The following CDIN1 variants were observed in gnomAD, a reference collection of about 807,000 sequenced individuals.
CDIN1 encodes the protein CDAN1-interacting nuclease 1.
Under a neutral mutation model 45.3 loss-of-function variants are expected in CDIN1, and 33 were observed. The observed-to-expected ratio is 0.73, with a 90% CI of 0.55 to 0.97. The LOEUF (loss-of-function observed/expected upper bound fraction) is 0.97. Ranked by LOEUF, CDIN1 falls within the 50% of genes least tolerant of loss-of-function variation. The probability of loss-of-function intolerance (pLI) is 0.00; values close to 1 mark genes in which losing one functional copy is unlikely to be tolerated. For synonymous variants in CDIN1, 118 were observed against 124.4 expected (o/e 0.95, Z 0.34); for missense variants, 303 against 339.4 (o/e 0.89, Z 0.84).
chr15:36,620,469 G>A (rs1173957549), intron 1 of CDIN1, among the ~76,000 whole-genome samples: 2 of 152,084 alleles, frequency 1.3e-5, no homozygotes, highest in Non-Finnish European at 2.9e-5. Flanking sequence ...TGCTAAAATG[G>A]GAAACAATTT....
In CDIN1 at chr15:36,692,155, A is replaced by G. The variant is rs775459397; in HGVS notation, c.456A>G (p.Pro152=). The stretch of plus-strand genomic sequence containing the variant: ...TTGTGAACGACTGCTGTTACGGACC[A>G]CTAGTGGACTGCATCAAGCAGTATC... ...QCIVNDCCYG[P]LVDCIKHAIG... is the part of the protein sequence containing the mutation. Residue 152 remains proline, a synonymous_variant, in exon 7 of 11, where the codon CCA becomes CCG. Transcript: ENST00000566621. 6.2e-6 allele frequency: 10 copies of G among 1,613,788 alleles called. No homozygotes were observed. The East Asian group carries it at 2.0e-4, about 32-fold the overall frequency.
At chr15:36,768,633 G>A (rs541648425) in intron 10 of CDIN1, among the ~76,000 whole-genome samples, 1 of 152,168 alleles carries the variant, frequency 6.6e-6, no homozygotes, top group Non-Finnish European at 1.5e-5. Context: ...TTACAAAGGG[G>A]TTTGCTGTAA....
chr15:36,745,949 G>C (rs1231300196), intron 10 of CDIN1, among the ~76,000 whole-genome samples: 7 of 152,100 alleles, frequency 4.6e-5, no homozygotes, highest in Non-Finnish European at 7.4e-5. Flanking sequence ...CTGGGCGACA[G>C]AGTGAGACGC....
In CDIN1 at chr15:36,618,761, C is replaced by CAAAAAA. The variant is rs34933565; in HGVS notation, c.102-25503_102-25498dup. ...CCTACTGCATTAAGCACAACTCAGC[C>CAAAAAA]AAAAAAAAAAAAAAAAAAAGGATCT... On this transcript the variant is annotated intron_variant, in intron 1 of 10. Transcript: ENST00000566621. The CAAAAAA allele has an allele frequency of 9.4e-5, 58 of 616,178 alleles. 2 individuals carry two copies. Among genetic ancestry groups the CAAAAAA allele is most frequent in the Admixed American group, 1.8e-4 (7 of 38,612 alleles). 38.2% of individuals were successfully genotyped at this position (616,178 alleles called of 1,614,324 possible).
At chr15:36,651,054 C>T (rs1387807986) in intron 3 of CDIN1, among the ~76,000 whole-genome samples, 1 of 151,094 alleles carries the variant, frequency 6.6e-6, no homozygotes, top group Non-Finnish European at 1.5e-5. Context: ...CAGAGCAAGA[C>T]TTCATCTCAA....
intron 1 of CDIN1, chr15:36,641,457 C>G (rs2040102305): frequency 6.6e-6 from 1 of 152,276 alleles, no homozygotes; most frequent in Non-Finnish European, 1.5e-5. Context: ...TTTGGGTCCA[C>G]TCACATGCTC....
At chr15:36,595,712 T>C (rs2037790413) in intron 1 of CDIN1, among the ~76,000 whole-genome samples, 1 of 152,200 alleles carries the variant, frequency 6.6e-6, no homozygotes, top group African/African-American at 2.4e-5. Context: ...TTTCAGGACA[T>C]AACGAATTGA....
intron 7 of CDIN1, among the ~76,000 whole-genome samples, chr15:36,692,925 T>C (rs1241696329): frequency 6.6e-6 from 1 of 152,214 alleles, no homozygotes; most frequent in African/African-American, 2.4e-5. Flanking sequence ...AAAGGTGCTA[T>C]TTAAATGGTA....
intron 5 of CDIN1, among the ~76,000 whole-genome samples, chr15:36,659,966 C>CTTTTTTTTTTTTT (rs778988517): frequency 7.1e-4 from 75 of 105,110 alleles, no homozygotes; most frequent in South Asian, 9.6e-4. Flanking sequence ...CCTTCCTTTT[C>CTTTTTTTTTTTTT]TTTTTTTTTT....
intron 10 of CDIN1, among the ~76,000 whole-genome samples, chr15:36,786,170 C>T (rs1487831603): frequency 6.6e-6 from 1 of 152,184 alleles, no homozygotes; most frequent in Non-Finnish European, 1.5e-5. Context: ...GTTGACTTCA[C>T]TTTAATTAGA....
At chr15:36,591,332 G>A (rs944613139) in intron 1 of CDIN1, among the ~76,000 whole-genome samples, 2 of 152,162 alleles carry the variant, frequency 1.3e-5, no homozygotes, top group Admixed American at 6.5e-5. Context: ...AATATTGGTA[G>A]GGAAAGCTAA....
intron 5 of CDIN1, among the ~76,000 whole-genome samples, chr15:36,663,487 G>C (rs1292920144): frequency 6.6e-6 from 1 of 152,120 alleles, no homozygotes; most frequent in Non-Finnish European, 1.5e-5. Flanking sequence ...AATCATGGGG[G>C]GCGGTTACCC....
At chr15:36,800,440 TCTA>T (rs2054972901) in intron 10 of CDIN1, among the ~76,000 whole-genome samples, 1 of 152,172 alleles carries the variant, frequency 6.6e-6, no homozygotes, top group Non-Finnish European at 1.5e-5. Context: ...TGATCACTAA[TCTA>T]TTATTATTGT....
chr15:36,699,577 C>G (rs1290675953), intron 8 of CDIN1, among the ~76,000 whole-genome samples: 1 of 152,048 alleles, frequency 6.6e-6, no homozygotes, highest in Non-Finnish European at 1.5e-5. Flanking sequence ...GACAAATATT[C>G]TCATCTTTTA....
chr15:36,626,981 A>G (rs2039457727), intron 1 of CDIN1: 2 of 175,682 alleles, frequency 1.1e-5, no homozygotes, highest in East Asian at 1.7e-4. Context: ...GATCTTAGAC[A>G]GGGAGATGCC....
rs957427206 is a variant in CDIN1, at chr15:36,688,254, T to TA, written c.347-3420dup. Among the ~76,000 whole-genome samples the TA allele has an allele frequency of 7.9e-3, 1,111 of 141,398 alleles. 16 individuals carry two copies. Among genetic ancestry groups the TA allele is most frequent in the African/African-American group, 0.026 (996 of 38,626 alleles). 92.8% of individuals were successfully genotyped at this position (141,398 alleles called of 152,430 possible). Reference sequence around the variant, plus strand: ...CTAACCTCTAGCAAGACTGAGAAATTAAAAAAAAAAAGCTTATACAAATTA... The same window carrying TA: ...CTAACCTCTAGCAAGACTGAGAAATTAAAAAAAAAAAAGCTTATACAAATTA... On this transcript the variant is annotated intron_variant, in intron 5 of 10. Coordinates refer to ENST00000566621, the MANE Select transcript of CDIN1 (RefSeq NM_001321759.2).
At chr15:36,668,863 A>G (rs1234118479) in intron 5 of CDIN1, 1 of 152,052 alleles carries the variant, frequency 6.6e-6, no homozygotes, top group Non-Finnish European at 1.5e-5. Context: ...TTCAAAGTTA[A>G]ACAGATTAAA....
At chr15:36,785,803 C>T (rs924672345) in intron 10 of CDIN1, among the ~76,000 whole-genome samples, 17 of 152,206 alleles carry the variant, frequency 1.1e-4, no homozygotes, top group South Asian at 2.1e-4. Context: ...AACTGCTTGC[C>T]GAAGTTTAAT....
At chr15:36,667,911 AT>A (rs1230486345) in intron 5 of CDIN1, among the ~76,000 whole-genome samples, 5 of 152,232 alleles carry the variant, frequency 3.3e-5, no homozygotes, top group Admixed American at 3.3e-4. Context: ...ATTGTAGGTA[AT>A]TTCTGCTTCA....
Sources: allele counts gnomAD v4.1 joint callset (sites outside exome capture counted in the v4.1 genomes callset), GRCh38; gene constraint gnomAD v4.1.1; transcripts MANE v1.5; gene names NCBI Gene and HGNC (gene_info 2026-07-23, HGNC 2026-07-21).